Variants in SIAH2 observed in about 807,000 individuals in gnomAD.
SIAH2 encodes the protein siah E3 ubiquitin protein ligase 2.
SIAH2 carries 4 observed loss-of-function variants against 20.4 expected under a neutral mutation model. The observed-to-expected ratio is 0.20, with a 90% CI of 0.10 to 0.45. The LOEUF is 0.45. Ranked by LOEUF, SIAH2 falls within the 20% of genes least tolerant of loss-of-function variation. The probability of loss-of-function intolerance (pLI) is 0.99; values close to 1 mark genes in which losing one functional copy is unlikely to be tolerated. For synonymous variants in SIAH2, 171 were observed against 192.5 expected, an observed-to-expected ratio of 0.89 and a Z score of 0.93; for missense variants, 259 against 440.3, an observed-to-expected ratio of 0.59 and a Z score of 3.69.
rs1274341224 is a variant in SIAH2, at chr3:150,760,758, C to A, written c.417+1675G>T. Among the ~76,000 whole-genome samples, 5 of 152,220 alleles carry A rather than the reference C, an allele frequency of 3.3e-5. No homozygotes were observed. The East Asian group carries it at 7.7e-4, about 23-fold the overall frequency. On this transcript the variant is annotated intron_variant, in intron 1 of 1. Coordinates refer to ENST00000312960, the MANE Select transcript of SIAH2 (RefSeq NM_005067.7). ...GTGAGAAAATGGCTCCCCAGAAATC[C>A]TATGGGGCATCCCCCACCCCTGCAA... is the stretch of plus-strand genomic sequence containing the variant.
At chr3:150,761,667 CTT>C (rs1051402425) in intron 1 of SIAH2, among the ~76,000 whole-genome samples, 6 of 152,036 alleles carry the variant, frequency 3.9e-5, no homozygotes, top group African/African-American at 1.4e-4. Context: ...CATTTTACTT[CTT>C]GTCTTGGTGG....
chr3:150,762,273 C>A lies in SIAH2; in HGVS notation c.417+160G>T, dbSNP rs929638966. ...GTAAATGTCAACCCAGACCTACACC[C>A]AAAGTGGGCTTGAGGGAGGGTGGAC... On this transcript the variant is annotated intron_variant, in intron 1 of 1. Coordinates refer to ENST00000312960, the MANE Select transcript of SIAH2 (RefSeq NM_005067.7). The surrounding 1 kb of genome is among the most constrained non-coding windows in gnomAD (Gnocchi z 6.6). 7.8e-6 allele frequency: 11 copies of A among 1,409,378 alleles called. No individual in the cohort carries two copies. Among genetic ancestry groups the A allele is most frequent in the Non-Finnish European group, 9.3e-6 (10 of 1,073,642 alleles). The allele number at this position is 1,409,378 out of a possible 1,614,324, so 87.3% of individuals were successfully genotyped here. A position where few individuals can be genotyped will look rare whatever the true frequency, so the allele number is the denominator to read the frequency against.
chr3:150,745,240 TACACACACACACACACACACAC>T (rs5853495), intron 1 of SIAH2, among the ~76,000 whole-genome samples: 1 of 140,562 alleles, frequency 7.1e-6, no homozygotes, highest in Non-Finnish European at 1.6e-5. Flanking sequence ...TTTAACCCCC[TACACACACACACACACACACAC>T]ACACACACAC....
intron 1 of SIAH2, among the ~76,000 whole-genome samples, chr3:150,752,651 C>G (rs1401619884): frequency 6.6e-6 from 1 of 152,088 alleles, no homozygotes; most frequent in Non-Finnish European, 1.5e-5. Context: ...TACAAGATGT[C>G]TCTCAGGCAA....
chr3:150,752,008 C>G (rs1714380725), intron 1 of SIAH2, among the ~76,000 whole-genome samples: 1 of 152,204 alleles, frequency 6.6e-6, no homozygotes, highest in Non-Finnish European at 1.5e-5. Context: ...GTATGTTTCT[C>G]ATCTGTCCAT....
chr3:150,755,048 T>C (rs1325418814), intron 1 of SIAH2, among the ~76,000 whole-genome samples: 2 of 152,156 alleles, frequency 1.3e-5, no homozygotes, highest in African/African-American at 4.8e-5. Flanking sequence ...ATTTATTTAG[T>C]GCCTGGGCTG....
Position 150,741,905 on chromosome 3 carries a change from A to G in SIAH2, c.*236T>C, listed in dbSNP as rs533897748. The stretch of plus-strand genomic sequence containing the variant: ...TTGTTTAGGGAGTAAATACAATTCA[A>G]TAAGAGTTGTTTTAGATCACAGAAC... On this transcript the variant is annotated 3_prime_UTR_variant, in exon 2 of 2. Transcript: ENST00000312960. The G allele has an allele frequency of 8.7e-5, 45 of 518,318 alleles. No homozygotes were observed. Among genetic ancestry groups the G allele is most frequent in the South Asian group, 7.6e-4 (31 of 40,860 alleles). The allele number at this position is 518,318 out of a possible 1,614,324, so 32.1% of individuals were successfully genotyped here. A position where few individuals can be genotyped will look rare whatever the true frequency, so the allele number is the denominator to read the frequency against.
rs770109823 is a variant in SIAH2 at position 150,742,495 on chromosome 3, A to C, written c.621T>G (p.Ala207=). Residue 207 remains alanine (A), a synonymous_variant, in exon 2 of 2, where the codon GCT becomes GCG. Transcript: ENST00000312960. This position sits in a 1 kb window ranked among gnomAD's most constrained non-coding sequence, Gnocchi z 4.8. ...CAGCCCCTGGCAAGTTAATGTCTGT[A>C]GCTAGAAAGACGATGTCTTCTCCCT... ...TLQGEDIVFL[A]TDINLPGAVD... 4 of 1,614,220 alleles carry C rather than the reference A, an allele frequency of 2.5e-6. No individual in the cohort carries two copies. The South Asian group carries it at 4.4e-5, about 18-fold the overall frequency.
chr3:150,756,533 C>T (rs1216682491), intron 1 of SIAH2, among the ~76,000 whole-genome samples: 1 of 152,118 alleles, frequency 6.6e-6, no homozygotes, highest in Non-Finnish European at 1.5e-5. Flanking sequence ...AGAGTCTATC[C>T]CAATCTTGGG....
At chr3:150,753,325 G>A (rs1299923352) in intron 1 of SIAH2, among the ~76,000 whole-genome samples, 1 of 152,228 alleles carries the variant, frequency 6.6e-6, no homozygotes, top group Non-Finnish European at 1.5e-5. Flanking sequence ...ATGATGTAAA[G>A]TTGGTGGGGT....
chr3:150,760,215 T>C (rs965726378), intron 1 of SIAH2, among the ~76,000 whole-genome samples: 1 of 152,190 alleles, frequency 6.6e-6, no homozygotes, highest in African/African-American at 2.4e-5. Flanking sequence ...GTTTGGATTA[T>C]TGATCAACCA....
Position 150,746,398 on chromosome 3 carries a change from A to AAAAC in SIAH2, c.418-3704_418-3701dup, listed in dbSNP as rs532802162. Among the ~76,000 whole-genome samples, 649 of 152,228 alleles carry AAAAC rather than the reference A, an allele frequency of 4.3e-3. 5 individuals carry two copies. Among genetic ancestry groups the AAAAC allele is most frequent in the South Asian group, 0.017 (84 of 4,820 alleles). On this transcript the variant is annotated intron_variant, in intron 1 of 1. Coordinates refer to ENST00000312960, the MANE Select transcript of SIAH2 (RefSeq NM_005067.7). ...GCAACAGACTGAGACTCTGTCTCAA[A>AAAAC]AAACAAACAAACAAACAAACAAACA...
At chr3:150,753,288 G>C (rs1254579956) in intron 1 of SIAH2, among the ~76,000 whole-genome samples, 6 of 152,192 alleles carry the variant, frequency 3.9e-5, no homozygotes, top group African/African-American at 1.2e-4. Context: ...GCCTGGAACT[G>C]CAGGAGATTC....
Position 150,742,755 on chromosome 3 carries a change from A to G in SIAH2, c.418-57T>C. The G allele has an allele frequency of 7.0e-7, 1 of 1,428,962 alleles. No individual in the cohort carries two copies. Among genetic ancestry groups the G allele is most frequent in the Non-Finnish European group, 9.4e-7 (1 of 1,058,952 alleles). 88.5% of individuals were successfully genotyped at this position (1,428,962 alleles called of 1,614,324 possible). On this transcript the variant is annotated intron_variant, in intron 1 of 1. Coordinates refer to ENST00000312960, the MANE Select transcript of SIAH2 (RefSeq NM_005067.7). This position sits in a 1 kb window ranked among gnomAD's most constrained non-coding sequence, Gnocchi z 4.8. ...GCCTTCTCAAAACTTCTATTGCTTC[A>G]ACCCTCTATGAGTACTTAACTACTC...
chr3:150,742,272 A>G lies in SIAH2; in HGVS notation c.844T>C (p.Ser282Pro). The G allele has an allele frequency of 6.2e-7, 1 of 1,614,172 alleles. No individual in the cohort carries two copies. The highest frequency in any genetic ancestry group is 1.1e-5 in the South Asian group (1 of 91,076). Residue 282 changes from serine to proline, a missense_variant, in exon 2 of 2, where the codon TCG becomes CCG. By Grantham distance (74) the Ser-to-Pro change is moderately conservative. Around this residue, in one of 2 missense-constraint regions of SIAH2, gnomAD observed 160 missense variants for 327.6 expected, o/e 0.49. Coordinates refer to ENST00000312960, the MANE Select transcript of SIAH2 (RefSeq NM_005067.7). The surrounding 1 kb of genome is among the most constrained non-coding windows in gnomAD (Gnocchi z 4.8). ...GCCGCAGCCACACCGTCATGAATCG[A>G]ACGGGGCGTGGCCTCCCAGGTCAAT... ...RRLTWEATPR[S>P]IHDGVAAAIM...
intron 1 of SIAH2, among the ~76,000 whole-genome samples, chr3:150,754,698 T>G (rs1295614321): frequency 1.3e-5 from 2 of 152,342 alleles, no homozygotes; most frequent in East Asian, 3.9e-4. Context: ...TATACTATTT[T>G]CTATATGTTC....
At chr3:150,759,647 A>G (rs1041455817) in intron 1 of SIAH2, among the ~76,000 whole-genome samples, 24 of 152,218 alleles carry the variant, frequency 1.6e-4, no homozygotes, top group Middle Eastern at 3.4e-3. Context: ...TGATTTGACA[A>G]GTCACTTCAC....
chr3:150,745,278 C>T (rs1714186476), intron 1 of SIAH2, among the ~76,000 whole-genome samples: 1 of 149,028 alleles, frequency 6.7e-6, no homozygotes, highest in South Asian at 2.1e-4. Flanking sequence ...CACACACACA[C>T]CCCACATTTC....
In SIAH2 at chr3:150,762,670, G is replaced by T. The variant is rs1445312330; in HGVS notation, c.180C>A (p.Gly60=). The change falls in exon 1 of 2, where the codon GGC becomes GGA. Residue 60 remains glycine (G), a synonymous_variant. Transcript: ENST00000312960. The surrounding 1 kb of genome is among the most constrained non-coding windows in gnomAD (Gnocchi z 6.6). ...GGGACACCGGGCCGGCCCCGCCGCC[G>T]CCGCCGGGGCCCGAGATCACCGCCG... ...AAAAVISGPG[G]GGGAGPVSPQ... is the part of the protein sequence containing the mutation. The T allele has an allele frequency of 6.9e-7, 1 of 1,440,190 alleles. No homozygotes were observed. The highest frequency in any genetic ancestry group is 1.5e-5 in the African/African-American group (1 of 67,636). The allele number at this position is 1,440,190 out of a possible 1,614,324, so 89.2% of individuals were successfully genotyped here.
Sources: gnomAD v4.1 joint callset for allele counts (sites outside exome capture counted in the v4.1 genomes callset) on GRCh38, gnomAD v4.1.1 for gene constraint, gnomAD v4.1.1 regional missense constraint, Gnocchi (gnomAD v3.1) non-coding constraint, MANE v1.5 for transcripts, NCBI Gene and HGNC (gene_info 2026-07-23, HGNC 2026-07-21) for gene names.